LIX1: variants seen among roughly 807,000 people sequenced by gnomAD.
LIX1 encodes protein limb expression 1 homolog.
A neutral mutation model predicts 33.4 loss-of-function variants in LIX1; 24 were observed. That is an observed-to-expected ratio of 0.72 (90% CI 0.52 to 1.01). The LOEUF (loss-of-function observed/expected upper bound fraction) is 1.01. LIX1 is among the 50% of genes least tolerant of loss of function. LIX1 has a pLI of 0.00. For missense variants in LIX1, 311 were observed against 339.2 expected (o/e 0.92, Z 0.65); for synonymous variants, 124 against 124.0 (o/e 1.00, Z 0.00).
At chr5:97,107,646 G>C (rs764628500) in intron 2 of LIX1, 146 bp from the exon 3 acceptor site, 8 of 822,460 alleles carry the variant, frequency 9.7e-6, no homozygotes, top group Non-Finnish European at 1.5e-5. Context: ...TTTCCCTGAA[G>C]GTCACGCAGA....
intron 2 of LIX1, among the ~76,000 whole-genome samples, chr5:97,121,134 T>C (rs1260654682): frequency 2.0e-5 from 3 of 152,166 alleles, no homozygotes; most frequent in Non-Finnish European, 4.4e-5. Context: ...CCCTGAAGTT[T>C]CCCTAAAGCT....
In LIX1 at chr5:97,096,543, C is replaced by G. The variant is rs1580196437; in HGVS notation, c.561+267G>C. ...AGTAGATCCAGGATTTATTTAGAAG[C>G]TGTCTGCCTTTATGATCCTTTCGGT... is the stretch of plus-strand genomic sequence containing the variant. On this transcript the variant is annotated intron_variant, in intron 5 of 5. Transcript: ENST00000274382. 2.6e-5 allele frequency among the ~76,000 whole-genome samples: 4 copies of G among 152,296 alleles called. No individual in the cohort carries two copies. In the South Asian group the frequency reaches 6.2e-4, roughly 24 times the overall value.
intron 2 of LIX1, among the ~76,000 whole-genome samples, chr5:97,117,232 T>C (rs1580233795): frequency 6.6e-6 from 1 of 152,312 alleles, no homozygotes; most frequent in African/African-American, 2.4e-5. Context: ...AATACCTCCT[T>C]TAGAAGTTAA....
intron 1 of LIX1, among the ~76,000 whole-genome samples, chr5:97,137,654 T>C (rs1649525149): frequency 1.3e-5 from 2 of 152,234 alleles, no homozygotes; most frequent in African/African-American, 4.8e-5. Flanking sequence ...TTCAAATTAC[T>C]GTAATTAAGA....
In LIX1 at chr5:97,142,409, G is replaced by C. The variant is rs553054161; in HGVS notation, c.82+86C>G. On this transcript the variant is annotated intron_variant, in intron 1 of 5. Transcript: ENST00000274382. ...ACAGCATACGACTGCAGAGATTTAG[G>C]AGAAATCTTACTTAAATAGGATGTG... 3 of 902,636 alleles carry C rather than the reference G, an allele frequency of 3.3e-6. No individual in the cohort carries two copies. In the South Asian group the frequency reaches 4.3e-5, roughly 13 times the overall value. 55.9% of individuals were successfully genotyped at this position (902,636 alleles called of 1,614,324 possible).
At chr5:97,101,132 G>T (rs1322528854) in intron 4 of LIX1, among the ~76,000 whole-genome samples, 1 of 151,770 alleles carries the variant, frequency 6.6e-6, no homozygotes, top group East Asian at 1.9e-4. Flanking sequence ...AAAGTGAGTG[G>T]GGCCAATTAT....
At chr5:97,115,141 T>C (rs990828319) in intron 2 of LIX1, among the ~76,000 whole-genome samples, 1 of 152,208 alleles carries the variant, frequency 6.6e-6, no homozygotes, top group Admixed American at 6.5e-5. Context: ...CTATGTAATG[T>C]TGAGATTTAA....
chr5:97,121,109 C>T (rs1762588798), intron 2 of LIX1, among the ~76,000 whole-genome samples: 1 of 152,138 alleles, frequency 6.6e-6, no homozygotes, highest in African/African-American at 2.4e-5. Flanking sequence ...TGTCCCATTT[C>T]AGGGAGCTAA....
chr5:97,132,883 AAG>A (rs1405171580), intron 1 of LIX1, among the ~76,000 whole-genome samples: 1 of 152,198 alleles, frequency 6.6e-6, no homozygotes, highest in East Asian at 1.9e-4. Flanking sequence ...GATTAAGCAA[AAG>A]AGTGTTCCTT....
At chr5:97,137,296 A>G (rs1748193012) in intron 1 of LIX1, 1 of 221,048 alleles carries the variant, frequency 4.5e-6, no homozygotes, top group Non-Finnish European at 9.4e-6. Flanking sequence ...TGTCTATCAT[A>G]TTTATTTTGA....
chr5:97,132,955 G>A (rs1363590409), intron 1 of LIX1, among the ~76,000 whole-genome samples: 1 of 152,180 alleles, frequency 6.6e-6, no homozygotes, highest in Non-Finnish European at 1.5e-5. Flanking sequence ...TGGACACCCA[G>A]AGGGCATCAT....
intron 4 of LIX1, among the ~76,000 whole-genome samples, chr5:97,104,033 G>A (rs570896263): frequency 4.0e-4 from 60 of 150,832 alleles, no homozygotes; most frequent in Non-Finnish European, 6.5e-4. Flanking sequence ...CATTTTTGCC[G>A]CAATCATACA....
chr5:97,120,936 T>G (rs1184161771), intron 2 of LIX1, among the ~76,000 whole-genome samples: 1 of 152,198 alleles, frequency 6.6e-6, no homozygotes, highest in Non-Finnish European at 1.5e-5. Flanking sequence ...TGAATAATGA[T>G]TTATATAGTA....
intron 2 of LIX1, among the ~76,000 whole-genome samples, chr5:97,112,063 T>C (rs1270077954): frequency 1.3e-5 from 2 of 152,246 alleles, no homozygotes; most frequent in Non-Finnish European, 2.9e-5. Flanking sequence ...TTCTTGGCAT[T>C]TCTGAAAGAC....
intron 4 of LIX1, among the ~76,000 whole-genome samples, chr5:97,102,734 T>C (rs1313136334): frequency 1.3e-5 from 2 of 152,182 alleles, no homozygotes; most frequent in African/African-American, 4.8e-5. Context: ...TAAGACTTTT[T>C]TTTTTTTTTT....
chr5:97,111,501 G>T (rs965522361), intron 2 of LIX1, among the ~76,000 whole-genome samples: 1 of 152,086 alleles, frequency 6.6e-6, no homozygotes, highest in African/African-American at 2.4e-5. Flanking sequence ...TGGAAAATCA[G>T]TTCCCCATTA....
chr5:97,129,016 T>C lies in LIX1; in HGVS notation c.83-4387A>G, dbSNP rs575735763. Among the ~76,000 whole-genome samples, 3 of 152,310 alleles carry C rather than the reference T, an allele frequency of 2.0e-5. No individual in the cohort carries two copies. The East Asian group carries it at 5.8e-4, about 29-fold the overall frequency. ...GGTCCCTAATTAACTATGGAATGAATAACTCCTTGGCAAGGCATAGAAGAC... is the reference window on the plus strand; with the variant it reads ...GGTCCCTAATTAACTATGGAATGAACAACTCCTTGGCAAGGCATAGAAGAC... On this transcript the variant is annotated intron_variant, in intron 1 of 5. Coordinates refer to ENST00000274382, the MANE Select transcript of LIX1 (RefSeq NM_153234.5).
intron 4 of LIX1, among the ~76,000 whole-genome samples, chr5:97,100,117 C>G (rs1301639873): frequency 6.6e-6 from 1 of 152,214 alleles, no homozygotes; most frequent in Non-Finnish European, 1.5e-5. Flanking sequence ...ACTAACTGCT[C>G]TCCCCGCCCC....
At chr5:97,122,286 A>G (rs890200125) in intron 2 of LIX1, among the ~76,000 whole-genome samples, 2 of 152,148 alleles carry the variant, frequency 1.3e-5, no homozygotes, top group Non-Finnish European at 2.9e-5. Flanking sequence ...GTGAACCTGG[A>G]GTTTCTCTAG....
Sources: gnomAD v4.1 joint callset for allele counts (sites outside exome capture counted in the v4.1 genomes callset) on GRCh38, gnomAD v4.1.1 for gene constraint, MANE v1.5 for transcripts, NCBI Gene and HGNC (gene_info 2026-07-23, HGNC 2026-07-21) for gene names.